The following NTM variants were observed in gnomAD, a reference collection of about 807,000 sequenced individuals.
NTM encodes the protein IgLON family member 2.
In NTM, 13 loss-of-function variants were observed where a neutral mutation model predicts 42.1. That is an observed-to-expected ratio of 0.31 (90% CI 0.20 to 0.49). The LOEUF (loss-of-function observed/expected upper bound fraction) is 0.49, where lower values mean the gene tolerates loss of function less well. NTM is among the 20% of genes least tolerant of loss of function. The probability of loss-of-function intolerance (pLI) is 0.99; values close to 1 mark genes in which losing one functional copy is unlikely to be tolerated. For missense variants in NTM, 373 were observed against 452.8 expected (o/e 0.82, Z 1.60); for synonymous variants, 187 against 179.2 (o/e 1.04, Z -0.35).
At chr11:131,542,846 G>A (rs937198056) in intron 1 of NTM, among the ~76,000 whole-genome samples, 1 of 152,206 alleles carries the variant, frequency 6.6e-6, no homozygotes, top group African/African-American at 2.4e-5. Flanking sequence ...TTTGTCCCAC[G>A]TGAGAGTCGG....
chr11:131,664,632 A>T (rs1325934752), intron 1 of NTM, among the ~76,000 whole-genome samples: 1 of 151,838 alleles, frequency 6.6e-6, no homozygotes, highest in East Asian at 1.9e-4. Context: ...TTCTTCCTAT[A>T]TGTTAATTTG....
At chr11:132,326,490 AG>A (rs2095686496) in intron 7 of NTM, among the ~76,000 whole-genome samples, 1 of 152,226 alleles carries the variant, frequency 6.6e-6, no homozygotes, top group Admixed American at 6.5e-5. Flanking sequence ...AGGGGCAAGG[AG>A]CCCCCATCTG....
At chr11:131,411,540 C>CGTGT (rs5795724) in intron 1 of NTM, among the ~76,000 whole-genome samples, 1,627 of 129,738 alleles carry the variant, frequency 0.013, 36 homozygotes, top group East Asian at 0.071. Flanking sequence ...TAGGGGGGGC[C>CGTGT]GTGTGTGTGT....
chr11:131,451,482 C>T (rs910849136), intron 1 of NTM, among the ~76,000 whole-genome samples: 10 of 152,086 alleles, frequency 6.6e-5, no homozygotes, highest in African/African-American at 2.4e-4. Flanking sequence ...TGTGGAAGAG[C>T]GAGACTGGGG....
At chr11:132,329,977 A>AG (rs1259282420) in intron 7 of NTM, 176 bp from the exon 8 acceptor site, 24 of 568,576 alleles carry the variant, frequency 4.2e-5, no homozygotes, top group East Asian at 2.9e-4. Flanking sequence ...AGAAAACCAG[A>AG]GGGGGGTCAC....
intron 1 of NTM, among the ~76,000 whole-genome samples, chr11:131,711,148 A>G (rs1207888455): frequency 6.6e-6 from 1 of 152,254 alleles, no homozygotes; most frequent in East Asian, 1.9e-4. Flanking sequence ...ATTAAACTAA[A>G]GCGCTTCTGC....
At chr11:132,211,744 A>G (rs2082877742) in intron 3 of NTM, 1 of 275,956 alleles carries the variant, frequency 3.6e-6, no homozygotes, top group Non-Finnish European at 6.9e-6. Context: ...GTGAGTGGAT[A>G]CAGGAAGAGG....
chr11:132,021,451 CT>C (rs1217294459), intron 2 of NTM, among the ~76,000 whole-genome samples: 1 of 152,004 alleles, frequency 6.6e-6, no homozygotes, highest in Non-Finnish European at 1.5e-5. Context: ...ATATCTCATA[CT>C]TTTTTTAAGT....
intron 1 of NTM, among the ~76,000 whole-genome samples, chr11:131,447,977 G>A (rs141976313): frequency 1.3e-5 from 2 of 152,322 alleles, no homozygotes; most frequent in Non-Finnish European, 2.9e-5. Flanking sequence ...TCTGGTGAAC[G>A]CTGGAAAGCC....
intron 1 of NTM, among the ~76,000 whole-genome samples, chr11:131,513,053 C>T (rs896584071): frequency 5.9e-5 from 9 of 152,210 alleles, no homozygotes; most frequent in Non-Finnish European, 1.0e-4. Flanking sequence ...GTGACTGGAT[C>T]ATTTCAGCCT....
chr11:131,525,841 A>G (rs1305439531), intron 1 of NTM, among the ~76,000 whole-genome samples: 1 of 144,824 alleles, frequency 6.9e-6, no homozygotes, highest in Non-Finnish European at 1.5e-5. Context: ...GTTACTTAAC[A>G]GTAATGTGTG....
At chr11:132,020,010 C>T (rs940192550) in intron 2 of NTM, among the ~76,000 whole-genome samples, 7 of 151,980 alleles carry the variant, frequency 4.6e-5, no homozygotes, top group African/African-American at 1.7e-4. Context: ...TTATATTCCC[C>T]CATGTCTATT....
At chr11:131,747,671 G>A (rs150672338) in intron 1 of NTM, among the ~76,000 whole-genome samples, 37 of 152,268 alleles carry the variant, frequency 2.4e-4, no homozygotes, top group African/African-American at 8.7e-4. Context: ...TCTGGATCTT[G>A]GGATCCAGAG....
intron 2 of NTM, among the ~76,000 whole-genome samples, chr11:131,996,811 G>A (rs1201334510): frequency 6.6e-6 from 1 of 152,124 alleles, no homozygotes; most frequent in Non-Finnish European, 1.5e-5. Flanking sequence ...CCCTGGGAGT[G>A]TGTTTATGCT....
chr11:131,917,414 G>A (rs1363142052), intron 2 of NTM, among the ~76,000 whole-genome samples: 1 of 152,214 alleles, frequency 6.6e-6, no homozygotes, highest in East Asian at 1.9e-4. Flanking sequence ...CATTGAACTT[G>A]TGTCTGTCTG....
At chr11:131,660,765 G>C in intron 1 of NTM, 2 of 858,268 alleles carry the variant, frequency 2.3e-6, no homozygotes, top group Non-Finnish European at 3.2e-6. Flanking sequence ...TGGGCCCTGG[G>C]GATAGGCTAC....
At position 132,330,046 on chromosome 11, in the gene NTM, G is replaced by A. The variant is rs190970856; in HGVS notation, c.935-107G>A. On this transcript the variant is annotated intron_variant, in intron 7 of 8. Transcript: ENST00000683400. ...GGACATGGGCAAGAGGCGCAGGGAC[G>A]CTGCTGCGCCAGGAGCGCCAGCTTC... 492 of 1,510,070 alleles carry A rather than the reference G, an allele frequency of 3.3e-4. 2 individuals are homozygous for A. The highest frequency in any genetic ancestry group is 2.6e-4 in the Non-Finnish European group (288 of 1,123,164). The allele number at this position is 1,510,070 out of a possible 1,614,324, so 93.5% of individuals were successfully genotyped here.
At chr11:131,466,946 C>A (rs1951956446) in intron 1 of NTM, among the ~76,000 whole-genome samples, 1 of 152,198 alleles carries the variant, frequency 6.6e-6, no homozygotes, top group Non-Finnish European at 1.5e-5. Context: ...GCTCACTGCA[C>A]ACTCACTGAC....
intron 4 of NTM, among the ~76,000 whole-genome samples, chr11:132,301,364 C>T (rs2094848048): frequency 6.6e-6 from 1 of 152,170 alleles, no homozygotes; most frequent in African/African-American, 2.4e-5. Context: ...ATGGGAACTA[C>T]AATGCAAGAT....
Sources: gnomAD v4.1 joint callset for allele counts (sites outside exome capture counted in the v4.1 genomes callset) on GRCh38, gnomAD v4.1.1 for gene constraint, MANE v1.5 for transcripts, NCBI Gene and HGNC (gene_info 2026-07-23, HGNC 2026-07-21) for gene names.